The following PRKN variants were observed in gnomAD, a reference collection of about 807,000 sequenced individuals.
PRKN encodes parkin RBR E3 ubiquitin protein ligase.
Under a neutral mutation model 59.5 loss-of-function variants are expected in PRKN, and 56 were observed. That is an observed-to-expected ratio of 0.94 (90% CI 0.76 to 1.18). The LOEUF is 1.18. Among genes scored for constraint, PRKN ranks in the 50% most tolerant of loss-of-function variants. The pLI, the probability that PRKN is intolerant of heterozygous loss-of-function variation, is 0.00. For synonymous variants in PRKN, 250 were observed against 222.1 expected, an observed-to-expected ratio of 1.13 and a Z score of -1.12; for missense variants, 657 against 596.4, an observed-to-expected ratio of 1.10 and a Z score of -1.06.
At chr6:161,872,226 G>A (rs1309053443) in intron 6 of PRKN, among the ~76,000 whole-genome samples, 1 of 145,356 alleles carries the variant, frequency 6.9e-6, no homozygotes, top group African/African-American at 2.6e-5. Context: ...CAGCAGCTGA[G>A]TGGGGGTCCT....
chr6:161,503,305 T>G lies in PRKN; in HGVS notation c.1083+45549A>C, dbSNP rs1404963389. 6.6e-6 allele frequency among the ~76,000 whole-genome samples: 1 copy of G among 152,192 alleles called. No homozygotes were observed. Among genetic ancestry groups the G allele is most frequent in the Non-Finnish European group, 1.5e-5 (1 of 68,022 alleles). ...TCATTCTGAAGATTTTAATCTTGTC[T>G]GAACAAGTCATAAAAAAGTCTTTTA... On this transcript the variant is annotated intron_variant, in intron 9 of 11. Transcript: ENST00000366898. The surrounding 1 kb of genome is among the most constrained non-coding windows in gnomAD (Gnocchi z 5.1).
chr6:162,315,138 TA>T (rs1290761767), intron 2 of PRKN, among the ~76,000 whole-genome samples: 1 of 152,174 alleles, frequency 6.6e-6, no homozygotes, highest in Non-Finnish European at 1.5e-5. Flanking sequence ...TCTCCTTCCT[TA>T]AAAACAAACA....
In PRKN at chr6:161,525,159, G is replaced by A. The variant is rs1778973826; in HGVS notation, c.1083+23695C>T. Among the ~76,000 whole-genome samples, 2 of 152,048 alleles carry A rather than the reference G, an allele frequency of 1.3e-5. No individual in the cohort carries two copies. Among genetic ancestry groups the A allele is most frequent in the Non-Finnish European group, 2.9e-5 (2 of 68,014 alleles). ...TGTGTGTGTGTGTGTGTGTATGTGT[G>A]TGTGAGTAGGGTTCTGTGTGAGATG... On this transcript the variant is annotated intron_variant, in intron 9 of 11. Transcript: ENST00000366898. This position sits in a 1 kb window ranked among gnomAD's most constrained non-coding sequence, Gnocchi z 4.7.
intron 1 of PRKN, among the ~76,000 whole-genome samples, chr6:162,583,755 T>G (rs1730206342): frequency 6.6e-6 from 1 of 151,994 alleles, no homozygotes. Flanking sequence ...ATGAAAAAAA[T>G]TACCAAATAG....
At chr6:161,806,386 C>T (rs3016548) in intron 6 of PRKN, among the ~76,000 whole-genome samples, 36,650 of 152,120 alleles carry the variant, frequency 0.24, 5,685 homozygotes, top group East Asian at 0.55. Flanking sequence ...CGAAAGCACC[C>T]GCATCATTTC....
At chr6:161,717,704 T>C (rs1254627908) in intron 7 of PRKN, among the ~76,000 whole-genome samples, 1 of 152,216 alleles carries the variant, frequency 6.6e-6, no homozygotes, top group African/African-American at 2.4e-5. Context: ...TTATACTTTG[T>C]AGTAGCCATG....
At chr6:161,735,467 C>A (rs554246991) in intron 7 of PRKN, among the ~76,000 whole-genome samples, 33 of 152,202 alleles carry the variant, frequency 2.2e-4, no homozygotes, top group Non-Finnish European at 4.1e-4. Flanking sequence ...AGGTGTTAGT[C>A]GACTATTTTC....
Position 161,457,551 on chromosome 6 carries a change from G to A in PRKN, c.1084-70674C>T, listed in dbSNP as rs977273576. 6.6e-6 allele frequency among the ~76,000 whole-genome samples: 1 copy of A among 152,198 alleles called. No individual in the cohort carries two copies. Among genetic ancestry groups the A allele is most frequent in the Non-Finnish European group, 1.5e-5 (1 of 68,030 alleles). ...CCTAGAACAATGATAAGACATGACTGCTGAATGTGTGGATAGATGGATGGG... is the reference window on the plus strand; with the variant it reads ...CCTAGAACAATGATAAGACATGACTACTGAATGTGTGGATAGATGGATGGG... On this transcript the variant is annotated intron_variant, in intron 9 of 11. Coordinates refer to ENST00000366898, the MANE Select transcript of PRKN (RefSeq NM_004562.3). The surrounding 1 kb of genome is among the most constrained non-coding windows in gnomAD (Gnocchi z 5.0).
chr6:162,438,071 C>T (rs1285916027), intron 2 of PRKN, among the ~76,000 whole-genome samples: 3 of 152,198 alleles, frequency 2.0e-5, no homozygotes, highest in African/African-American at 7.2e-5. Context: ...AATTTCTCCA[C>T]ATCCTCACCA....
At chr6:161,660,546 T>G (rs1234941040) in intron 7 of PRKN, among the ~76,000 whole-genome samples, 3 of 152,198 alleles carry the variant, frequency 2.0e-5, no homozygotes, top group Non-Finnish European at 4.4e-5. Context: ...AGAGAGATGA[T>G]GAGCATGGCC....
At position 161,391,158 on chromosome 6, in the gene PRKN, G is replaced by A. The variant is rs1010073015; in HGVS notation, c.1084-4281C>T. Among the ~76,000 whole-genome samples, 3 of 152,134 alleles carry A rather than the reference G, an allele frequency of 2.0e-5. No homozygotes were observed. The highest frequency in any genetic ancestry group is 4.4e-5 in the Non-Finnish European group (3 of 68,026). On this transcript the variant is annotated intron_variant, in intron 9 of 11. Transcript: ENST00000366898. The surrounding 1 kb of genome is among the most constrained non-coding windows in gnomAD (Gnocchi z 4.9). ...CCAACATTTTCACATCCATTCTGCT[G>A]AGCTGCATGTCTCATATCTGGGGCG...
intron 1 of PRKN, among the ~76,000 whole-genome samples, chr6:162,577,265 A>G (rs1780598140): frequency 6.6e-6 from 1 of 152,218 alleles, no homozygotes; most frequent in African/African-American, 2.4e-5. Flanking sequence ...AATCAATCAA[A>G]TCACATGGAA....
chr6:162,262,427 T>C (rs756379504), intron 3 of PRKN, 98 bp downstream of exon 3: 6 of 1,451,712 alleles, frequency 4.1e-6, no homozygotes, highest in Non-Finnish European at 5.8e-6. Context: ...CCAAAACGTA[T>C]CATAAACTAA....
intron 1 of PRKN, among the ~76,000 whole-genome samples, chr6:162,546,596 A>C (rs1034260469): frequency 2.6e-5 from 4 of 151,156 alleles, no homozygotes; most frequent in African/African-American, 4.9e-5. Flanking sequence ...GGAGTGTGCC[A>C]CCACGCCCGG....
intron 7 of PRKN, among the ~76,000 whole-genome samples, chr6:161,699,647 A>G (rs540540280): frequency 1.4e-4 from 22 of 152,290 alleles, no homozygotes; most frequent in Admixed American, 1.4e-3. Context: ...TATATAATAA[A>G]AATTTCAGGA....
At chr6:162,711,909 C>A (rs970691436) in intron 1 of PRKN, among the ~76,000 whole-genome samples, 10 of 152,216 alleles carry the variant, frequency 6.6e-5, no homozygotes, top group African/African-American at 2.4e-4. Context: ...TGAATTAAGA[C>A]CTACTGGTCT....
chr6:161,357,186 G>T lies in PRKN; in HGVS notation c.1285+2902C>A, dbSNP rs1002306442. ...CCTGCCTCAGGTTCCCAAGCAGTTG[G>T]GACTACAGGCATGTACCACCATGCC... is the stretch of plus-strand genomic sequence containing the variant. On this transcript the variant is annotated intron_variant, in intron 11 of 11. Transcript: ENST00000366898. This position sits in a 1 kb window ranked among gnomAD's most constrained non-coding sequence, Gnocchi z 5.5. Among the ~76,000 whole-genome samples the T allele has an allele frequency of 6.6e-6, 1 of 151,804 alleles. No homozygotes were observed. Among genetic ancestry groups the T allele is most frequent in the South Asian group, 2.1e-4 (1 of 4,802 alleles).
chr6:161,363,147 CAGG>C lies in PRKN; in HGVS notation c.1168-2945_1168-2943del, dbSNP rs1249176734. Among the ~76,000 whole-genome samples, 2 of 152,122 alleles carry C rather than the reference CAGG, an allele frequency of 1.3e-5. No individual in the cohort carries two copies. The highest frequency in any genetic ancestry group is 4.8e-5 in the African/African-American group (2 of 41,438). ...GTCCCAGGTACTTGGGAGGCTGAGG[CAGG>C]AGAAGTACCTGAACCTGGGGGGCAG... On this transcript the variant is annotated intron_variant, in intron 10 of 11. Transcript: ENST00000366898. The surrounding 1 kb of genome is among the most constrained non-coding windows in gnomAD (Gnocchi z 4.1).
intron 7 of PRKN, among the ~76,000 whole-genome samples, chr6:161,766,904 T>C (rs1428162458): frequency 1.3e-5 from 2 of 152,184 alleles, no homozygotes. Flanking sequence ...GGCAGACCTA[T>C]GTTTACATTT....
Sources: allele counts gnomAD v4.1 joint callset (sites outside exome capture counted in the v4.1 genomes callset), GRCh38; gene constraint gnomAD v4.1.1; non-coding constraint Gnocchi (gnomAD v3.1); transcripts MANE v1.5; gene names NCBI Gene and HGNC (gene_info 2026-07-23, HGNC 2026-07-21).